CLMN: variants seen among roughly 807,000 people sequenced by gnomAD.
The protein encoded by CLMN is calmin (calponin-like, transmembrane).
A neutral mutation model predicts 92.7 loss-of-function variants in CLMN; 57 were observed. The ratio of observed to expected loss-of-function variants is 0.61; its 90% CI spans 0.50 to 0.77. The LOEUF is 0.77. Ranked by LOEUF, CLMN falls within the 30% of genes least tolerant of loss-of-function variation. The pLI is 0.00. For missense variants in CLMN, 1,158 were observed against 1,237.5 expected, an observed-to-expected ratio of 0.94 and a Z score of 0.96; for synonymous variants, 466 against 470.6, an observed-to-expected ratio of 0.99 and a Z score of 0.13.
At chr14:95,282,311 C>T (rs911864795) in intron 1 of CLMN, among the ~76,000 whole-genome samples, 6 of 151,920 alleles carry the variant, frequency 3.9e-5, no homozygotes, top group East Asian at 3.8e-4. Flanking sequence ...AAGAACATCT[C>T]TCTGGCAGCA....
intron 1 of CLMN, among the ~76,000 whole-genome samples, chr14:95,299,412 A>C (rs7144740): frequency 0.43 from 64,671 of 151,986 alleles, 14,015 homozygotes; most frequent in East Asian, 0.61. Flanking sequence ...GCCCCACGGG[A>C]CACGCACCAG....
chr14:95,280,132 G>T (rs574985165), intron 1 of CLMN, among the ~76,000 whole-genome samples: 41 of 152,274 alleles, frequency 2.7e-4, no homozygotes, highest in Non-Finnish European at 5.0e-4. Flanking sequence ...GTATTATTTG[G>T]TTTTTCCATA....
At chr14:95,289,525 A>AC (rs1900479622) in intron 1 of CLMN, among the ~76,000 whole-genome samples, 1 of 151,498 alleles carries the variant, frequency 6.6e-6, no homozygotes, top group East Asian at 1.9e-4. Flanking sequence ...AAACAAACAA[A>AC]AAAACCGTTG....
intron 1 of CLMN, among the ~76,000 whole-genome samples, chr14:95,230,696 C>T (rs554994831): frequency 1.3e-5 from 2 of 152,356 alleles, no homozygotes; most frequent in South Asian, 4.1e-4. Flanking sequence ...CTGATCTGCA[C>T]ATGGAGGATG....
intron 1 of CLMN, among the ~76,000 whole-genome samples, chr14:95,246,436 G>A (rs1428507344): frequency 6.6e-6 from 1 of 152,164 alleles, no homozygotes; most frequent in Non-Finnish European, 1.5e-5. Context: ...GGCCCTGCAT[G>A]GTGTGGCACC....
chr14:95,230,535 T>C (rs886915369), intron 1 of CLMN, among the ~76,000 whole-genome samples: 1 of 152,058 alleles, frequency 6.6e-6, no homozygotes, highest in African/African-American at 2.4e-5. Context: ...GCAGTCAGGG[T>C]CGGGGTGGAG....
At chr14:95,241,680 C>T (rs184852878) in intron 1 of CLMN, among the ~76,000 whole-genome samples, 76 of 152,306 alleles carry the variant, frequency 5.0e-4, no homozygotes, top group Admixed American at 1.0e-3. Flanking sequence ...CCAGAGGCTG[C>T]GTAAGCTGGA....
intron 1 of CLMN, among the ~76,000 whole-genome samples, chr14:95,268,790 CTCTCTTTT>C (rs779199185): frequency 2.5e-4 from 31 of 123,418 alleles, no homozygotes; most frequent in Non-Finnish European, 2.8e-4. Context: ...CTCTCTCTCT[CTCTCTTTT>C]TTTTTTTTTT....
rs1897225985 is a variant in CLMN, at chr14:95,212,469, T to C, written c.608+750A>G. On this transcript the variant is annotated intron_variant, in intron 6 of 12. Coordinates refer to ENST00000298912, the MANE Select transcript of CLMN (RefSeq NM_024734.4). Reference sequence around the variant, plus strand: ...ACTGCTAAAATCACTCTGCTGCCGGTGTGGGGTGAAACAGGGCCGGAACTT... The same window carrying C: ...ACTGCTAAAATCACTCTGCTGCCGGCGTGGGGTGAAACAGGGCCGGAACTT... 2.0e-5 allele frequency among the ~76,000 whole-genome samples: 3 copies of C among 152,162 alleles called. No individual in the cohort carries two copies. In the South Asian group the frequency reaches 6.2e-4, roughly 32 times the overall value.
rs566348662 is a variant in CLMN, at chr14:95,210,225, T to A, written c.802+461A>T. On this transcript the variant is annotated intron_variant, in intron 7 of 12. Coordinates refer to ENST00000298912, the MANE Select transcript of CLMN (RefSeq NM_024734.4). ...CGCCACCACGCCCAGCTAATTTTTG[T>A]ATTATTAGTGGAGATGGGGTTTCAC... 3.3e-5 allele frequency among the ~76,000 whole-genome samples: 5 copies of A among 151,928 alleles called. No individual in the cohort carries two copies. The South Asian group carries it at 1.0e-3, about 32-fold the overall frequency.
chr14:95,254,283 C>T (rs1463753889), intron 1 of CLMN, among the ~76,000 whole-genome samples: 3 of 152,146 alleles, frequency 2.0e-5, no homozygotes, highest in Non-Finnish European at 4.4e-5. Flanking sequence ...CACTAGACAG[C>T]GGGTGCAGCC....
intron 1 of CLMN, among the ~76,000 whole-genome samples, chr14:95,316,396 C>T (rs996365273): frequency 4.6e-5 from 7 of 152,248 alleles, no homozygotes; most frequent in East Asian, 3.8e-4. Flanking sequence ...CCTTGACGAA[C>T]GTCTTTTTGA....
chr14:95,249,631 G>A (rs1025364692), intron 1 of CLMN, among the ~76,000 whole-genome samples: 10 of 151,040 alleles, frequency 6.6e-5, no homozygotes, highest in South Asian at 2.1e-4. Context: ...TCCCTCTGTC[G>A]CCCAGGCTGG....
In CLMN at chr14:95,191,586, T is replaced by G; in HGVS notation, c.2987A>C (p.Gln996Pro). 1 of 1,613,236 alleles carries G rather than the reference T, an allele frequency of 6.2e-7. No homozygotes were observed. Among genetic ancestry groups the G allele is most frequent in the Non-Finnish European group, 8.5e-7 (1 of 1,179,700 alleles). The change falls in exon 13 of 13, where the codon CAA becomes CCA. Residue 996 changes from glutamine to proline, a missense_variant. By Grantham distance (76) the Gln-to-Pro change is moderately conservative (BLOSUM62 -1). Transcript: ENST00000298912. This position sits in a 1 kb window ranked among gnomAD's most constrained non-coding sequence, Gnocchi z 5.3. Reference sequence around the variant, plus strand: ...GTATCAGAGCCTGCTAACATCCAGTTGTGGGAAGAGCAGCAAGCAGTACAC... The same window carrying G: ...GTATCAGAGCCTGCTAACATCCAGTGGTGGGAAGAGCAGCAAGCAGTACAC... ...LLVYCLLLFP[Q>P]LDVSRL
chr14:95,287,515 G>T (rs1307238734), intron 1 of CLMN, among the ~76,000 whole-genome samples: 1 of 152,180 alleles, frequency 6.6e-6, no homozygotes, highest in Non-Finnish European at 1.5e-5. Context: ...CACCCTTCCT[G>T]CAGTGCCATG....
chr14:95,308,836 G>T (rs1006624272), intron 1 of CLMN, among the ~76,000 whole-genome samples: 1 of 152,178 alleles, frequency 6.6e-6, no homozygotes, highest in East Asian at 1.9e-4. Context: ...GAAGCCGTGC[G>T]CACGCATGGG....
At chr14:95,199,153 A>C (rs1896806182) in intron 9 of CLMN, 1 of 148,122 alleles carries the variant, frequency 6.8e-6, no homozygotes, top group Non-Finnish European at 1.5e-5. Flanking sequence ...TTAGGTAGCC[A>C]CTCCTCATTG....
At chr14:95,219,770 G>A (rs1897469229) in intron 4 of CLMN, among the ~76,000 whole-genome samples, 1 of 152,068 alleles carries the variant, frequency 6.6e-6, no homozygotes, top group African/African-American at 2.4e-5. Flanking sequence ...ATGAACAGGG[G>A]GTAGGCTTTC....
chr14:95,193,505 G>T, intron 12 of CLMN: 1 of 841,494 alleles, frequency 1.2e-6, no homozygotes, highest in Non-Finnish European at 1.8e-6. Flanking sequence ...CTCTTCTCCT[G>T]CCTGGCCGTC....
Sources: gnomAD v4.1 joint callset for allele counts (sites outside exome capture counted in the v4.1 genomes callset) on GRCh38, gnomAD v4.1.1 for gene constraint, Gnocchi (gnomAD v3.1) non-coding constraint, MANE v1.5 for transcripts, NCBI Gene and HGNC (gene_info 2026-07-23, HGNC 2026-07-21) for gene names.